Variants in ALG11 observed in about 807,000 individuals in gnomAD.
The protein encoded by ALG11 is ALG11 alpha-1,2-mannosyltransferase.
ALG11 carries 26 observed loss-of-function variants against 38.8 expected under a neutral mutation model. The observed-to-expected ratio is 0.67, with a 90% CI of 0.49 to 0.93. ALG11 has a LOEUF of 0.93. Ranked by LOEUF, ALG11 falls within the 40% of genes least tolerant of loss-of-function variation. The pLI is 0.00. For synonymous variants in ALG11, 199 were observed against 211.6 expected (o/e 0.94, Z 0.52); for missense variants, 535 against 578.8 (o/e 0.92, Z 0.78).
rs766008078 is a variant in ALG11 at position 52,030,518 on chromosome 13, T to C, written c.*1928T>C. 12 of 1,614,044 alleles carry C rather than the reference T, an allele frequency of 7.4e-6. No homozygotes were observed. The highest frequency in any genetic ancestry group is 1.0e-5 in the Non-Finnish European group (12 of 1,180,032). ...GACCACACAGTCTCCTTCCGTGAGG[T>C]CTTTGGCAGTTCCCACAATAATAGA... On this transcript the variant is annotated 3_prime_UTR_variant, in exon 4 of 4. Coordinates refer to ENST00000521508, the MANE Select transcript of ALG11 (RefSeq NM_001004127.3).
At chr13:52,026,491 G>A (rs986216028) in intron 3 of ALG11, among the ~76,000 whole-genome samples, 5 of 152,220 alleles carry the variant, frequency 3.3e-5, no homozygotes, top group Non-Finnish European at 7.3e-5. Context: ...AGTAAGATGA[G>A]CCGGCCTACT....
At chr13:52,013,911 G>T (rs1954112488) in intron 1 of ALG11, among the ~76,000 whole-genome samples, 1 of 152,114 alleles carries the variant, frequency 6.6e-6, no homozygotes, top group Non-Finnish European at 1.5e-5. Flanking sequence ...GTTGATAAGT[G>T]CAAAAGTGAT....
At chr13:52,012,553 C>A in intron 1 of ALG11, 91 bp downstream of exon 1, 1 of 1,550,312 alleles carries the variant, frequency 6.5e-7, no homozygotes, top group South Asian at 1.1e-5. Context: ...GGGCAAATGG[C>A]CTTCCTTGTC....
Position 52,030,817 on chromosome 13 carries a change from G to A in ALG11, c.*2227G>A, listed in dbSNP as rs758161781. 6.2e-7 allele frequency: 1 copy of A among 1,614,034 alleles called. No individual in the cohort carries two copies. The highest frequency in any genetic ancestry group is 8.5e-7 in the Non-Finnish European group (1 of 1,180,044). ...TGCCAAATGTGATTATCAGTGAGAA[G>A]CGCAACATCCACGCAGCAGCTCATC... On this transcript the variant is annotated 3_prime_UTR_variant, in exon 4 of 4. Coordinates refer to ENST00000521508, the MANE Select transcript of ALG11 (RefSeq NM_001004127.3).
chr13:52,025,236 G>T lies in ALG11; in HGVS notation c.1207+299G>T, dbSNP rs375751810. On this transcript the variant is annotated intron_variant, in intron 3 of 3. Transcript: ENST00000521508. Reference sequence around the variant, plus strand: ...TTGTTATTCCCATTTTATAAATAAAGAAACTCAGGCACAGGAAGGTTTAGA... The same window carrying T: ...TTGTTATTCCCATTTTATAAATAAATAAACTCAGGCACAGGAAGGTTTAGA... Among the ~76,000 whole-genome samples, 9 of 151,434 alleles carry T rather than the reference G, an allele frequency of 5.9e-5. No homozygotes were observed. The East Asian group carries it at 7.7e-4, about 13-fold the overall frequency.
chr13:52,016,820 CCA>C (rs1376165324), intron 1 of ALG11: 1 of 152,236 alleles, frequency 6.6e-6, no homozygotes, highest in South Asian at 2.1e-4. Flanking sequence ...GTTGGAGCCC[CCA>C]CACAGAGTCC....
intron 2 of ALG11, among the ~76,000 whole-genome samples, chr13:52,019,933 A>G (rs1281163077): frequency 1.3e-5 from 2 of 152,338 alleles, no homozygotes; most frequent in East Asian, 3.9e-4. Flanking sequence ...TCTCAAGGGA[A>G]AACAAAAAAG....
rs2140847819 is a variant in ALG11, at chr13:52,028,702, A to G, written c.*112A>G. On this transcript the variant is annotated 3_prime_UTR_variant, in exon 4 of 4. Coordinates refer to ENST00000521508, the MANE Select transcript of ALG11 (RefSeq NM_001004127.3). ...GTCAAATCATTTTACTTTAGAAAACAGACAAAATTTCCTTTTAGAATAAAA... is the reference window on the plus strand; with the variant it reads ...GTCAAATCATTTTACTTTAGAAAACGGACAAAATTTCCTTTTAGAATAAAA... The G allele has an allele frequency of 6.3e-7, 1 of 1,575,090 alleles. No homozygotes were observed. The highest frequency in any genetic ancestry group is 1.4e-5 in the African/African-American group (1 of 73,794).
rs765050351 is a variant in ALG11, at chr13:52,030,277, C to G, written c.*1687C>G. ...CCCAGGTCCAGAGAGAGGAACCTGC[C>G]CCAGAAGAAGCGGAACCCCTATTGC... On this transcript the variant is annotated 3_prime_UTR_variant, in exon 4 of 4. Transcript: ENST00000521508. 6 of 1,614,104 alleles carry G rather than the reference C, an allele frequency of 3.7e-6. No homozygotes were observed. Among genetic ancestry groups the G allele is most frequent in the Non-Finnish European group, 5.1e-6 (6 of 1,180,024 alleles).
Position 52,030,110 on chromosome 13 carries a change from C to T in ALG11, c.*1520C>T. The stretch of plus-strand genomic sequence containing the variant: ...CCTTAGAAAAAGATCTGAGCTCAAC[C>T]AGGATGCTGAGCCAGCAAGCAGTCA... On this transcript the variant is annotated 3_prime_UTR_variant, in exon 4 of 4. Transcript: ENST00000521508. 1 of 1,614,182 alleles carries T rather than the reference C, an allele frequency of 6.2e-7. No individual in the cohort carries two copies. The highest frequency in any genetic ancestry group is 8.5e-7 in the Non-Finnish European group (1 of 1,180,040).
At position 52,030,894 on chromosome 13, in the gene ALG11, C is replaced by T. The variant is rs1423368301; in HGVS notation, c.*2304C>T. Reference sequence around the variant, plus strand: ...ACCCACCATCGGCAATTTGAAAGGACCATCCAGACCCCTATAGGATCCACA... The same window carrying T: ...ACCCACCATCGGCAATTTGAAAGGATCATCCAGACCCCTATAGGATCCACA... On this transcript the variant is annotated 3_prime_UTR_variant, in exon 4 of 4. Coordinates refer to ENST00000521508, the MANE Select transcript of ALG11 (RefSeq NM_001004127.3). 6.2e-7 allele frequency: 1 copy of T among 1,614,046 alleles called. No individual in the cohort carries two copies. The highest frequency in any genetic ancestry group is 1.3e-5 in the African/African-American group (1 of 74,918).
intron 1 of ALG11, chr13:52,016,412 T>C (rs1160807876): frequency 1.3e-5 from 2 of 152,178 alleles, no homozygotes; most frequent in Non-Finnish European, 2.9e-5. Flanking sequence ...TGGGGGAAAA[T>C]GTCTCCAGGC....
At position 52,024,896 on chromosome 13, in the gene ALG11, C is replaced by T; in HGVS notation, c.1166C>T (p.Thr389Ile). 2 of 1,612,748 alleles carry T rather than the reference C, an allele frequency of 1.2e-6. No homozygotes were observed. The highest frequency in any genetic ancestry group is 1.3e-5 in the African/African-American group (1 of 75,066). Residue 389 changes from threonine (T) to isoleucine (I), a missense_variant, in exon 3 of 4, where the codon ACA (threonine) becomes ATA (isoleucine). Transcript: ENST00000521508. ...DELKNYLSEA[T>I]IGLHTMWNEH... ...TTAAAGAATTATTTGTCTGAAGCAA[C>T]AATTGGTCTGCATACCATGTGGAAC...
At position 52,024,833 on chromosome 13, in the gene ALG11, A is replaced by C; in HGVS notation, c.1103A>C (p.Glu368Ala). 1 of 1,613,986 alleles carries C rather than the reference A, an allele frequency of 6.2e-7. No homozygotes were observed. The change falls in exon 3 of 4, where the codon GAA becomes GCA. Residue 368 changes from glutamate (E) to alanine (A), a missense_variant. Transcript: ENST00000521508. ...RRLSEDLGVQ[E>A]YVEFKINIPF... ...CTGTCTGAGGATTTAGGAGTTCAAG[A>C]ATATGTGGAATTTAAAATAAACATT...
At position 52,030,428 on chromosome 13, in the gene ALG11, A is replaced by T. The variant is rs753072244; in HGVS notation, c.*1838A>T. Reference sequence around the variant, plus strand: ...ACAGCAGTCAGAGAGGACCCCAAATAATCGGCCTGATGCCCCTAAGGAGAA... The same window carrying T: ...ACAGCAGTCAGAGAGGACCCCAAATTATCGGCCTGATGCCCCTAAGGAGAA... On this transcript the variant is annotated 3_prime_UTR_variant, in exon 4 of 4. Coordinates refer to ENST00000521508, the MANE Select transcript of ALG11 (RefSeq NM_001004127.3). 5.0e-6 allele frequency: 8 copies of T among 1,614,096 alleles called. No homozygotes were observed. The highest frequency in any genetic ancestry group is 1.7e-5 in the Admixed American group (1 of 60,006).
At position 52,030,084 on chromosome 13, in the gene ALG11, C is replaced by A; in HGVS notation, c.*1494C>A. ...TTGAGAGAATTTGAGGAAAGGCAAT[C>A]CCTTAGAAAAAGATCTGAGCTCAAC... On this transcript the variant is annotated 3_prime_UTR_variant, in exon 4 of 4. Transcript: ENST00000521508. 6.2e-7 allele frequency: 1 copy of A among 1,614,178 alleles called. No homozygotes were observed. Among genetic ancestry groups the A allele is most frequent in the Non-Finnish European group, 8.5e-7 (1 of 1,180,044 alleles).
chr13:52,028,714 C>A lies in ALG11; in HGVS notation c.*124C>A. The A allele has an allele frequency of 6.3e-7, 1 of 1,587,934 alleles. No homozygotes were observed. Among genetic ancestry groups the A allele is most frequent in the Non-Finnish European group, 8.6e-7 (1 of 1,162,548 alleles). ...TACTTTAGAAAACAGACAAAATTTC[C>A]TTTTAGAATAAAAGGAAGTGTTGAA... On this transcript the variant is annotated 3_prime_UTR_variant, in exon 4 of 4. Transcript: ENST00000521508.
Position 52,030,679 on chromosome 13 carries a change from G to A in ALG11, c.*2089G>A. 1.2e-6 allele frequency: 2 copies of A among 1,614,230 alleles called. No individual in the cohort carries two copies. The highest frequency in any genetic ancestry group is 2.7e-5 in the African/African-American group (2 of 75,058). ...CGAGTAAGCCAAAGGACGTGGACCTGACACTACCTGGCTGGGGCGAGTGGG... is the reference window on the plus strand; with the variant it reads ...CGAGTAAGCCAAAGGACGTGGACCTAACACTACCTGGCTGGGGCGAGTGGG... On this transcript the variant is annotated 3_prime_UTR_variant, in exon 4 of 4. Coordinates refer to ENST00000521508, the MANE Select transcript of ALG11 (RefSeq NM_001004127.3).
rs144883776 is a variant in ALG11, at chr13:52,024,767, G to T, written c.1037G>T (p.Arg346Leu). ...AAACTTGTCCTCATTGGAGGTTGTC[G>T]TAACAAAGATGATGAACTTAGGGTA... ...SLKLVLIGGC[R>L]NKDDELRVNQ... Residue 346 changes from arginine to leucine, a missense_variant, in exon 3 of 4, where the codon CGT (arginine) becomes CTT (leucine). Transcript: ENST00000521508. 6.2e-7 allele frequency: 1 copy of T among 1,614,198 alleles called. No homozygotes were observed. The highest frequency in any genetic ancestry group is 1.7e-5 in the Admixed American group (1 of 60,032).
Sources: gnomAD v4.1 joint callset for allele counts (sites outside exome capture counted in the v4.1 genomes callset) on GRCh38, gnomAD v4.1.1 for gene constraint, MANE v1.5 for transcripts, NCBI Gene and HGNC (gene_info 2026-07-23, HGNC 2026-07-21) for gene names.